The following RYR3 variants were observed in gnomAD, a reference collection of about 807,000 sequenced individuals.
The protein encoded by RYR3 is brain ryanodine receptor-calcium release channel.
In RYR3, 207 loss-of-function variants were observed where a neutral mutation model predicts 584.3. The ratio of observed to expected loss-of-function variants is 0.35; its 90% CI spans 0.32 to 0.40. The LOEUF is 0.40. Among genes scored for constraint, RYR3 ranks in the 10% least tolerant of loss-of-function variants. RYR3 has a pLI of 1.00. For synonymous variants in RYR3, 2,416 were observed against 2,248.5 expected, an observed-to-expected ratio of 1.07 and a Z score of -2.11; for missense variants, 5,616 against 6,089.2, an observed-to-expected ratio of 0.92 and a Z score of 2.59.
intron 9 of RYR3, among the ~76,000 whole-genome samples, chr15:33,549,127 C>T (rs907016718): frequency 6.6e-6 from 1 of 152,026 alleles, no homozygotes; most frequent in Non-Finnish European, 1.5e-5. Context: ...TTTTAAGGAG[C>T]GTGCACTTAC....
chr15:33,400,556 C>T (rs926785010), intron 1 of RYR3, among the ~76,000 whole-genome samples: 1 of 152,182 alleles, frequency 6.6e-6, no homozygotes. Flanking sequence ...AGTTCTATCA[C>T]TGATTTGAAA....
At chr15:33,586,194 G>A in intron 16 of RYR3, 78 bp downstream of exon 16, 1 of 838,960 alleles carries the variant, frequency 1.2e-6, no homozygotes, top group Non-Finnish European at 2.0e-6. Context: ...GTTTTACTGA[G>A]AGCATGTTGA....
chr15:33,782,788 A>G (rs916292714), intron 65 of RYR3, among the ~76,000 whole-genome samples: 1 of 152,208 alleles, frequency 6.6e-6, no homozygotes, highest in South Asian at 2.1e-4. Context: ...TCAGATTAGT[A>G]TCTTTGATGC....
chr15:33,707,962 T>G (rs2152786544), intron 43 of RYR3, among the ~76,000 whole-genome samples: 1 of 152,342 alleles, frequency 6.6e-6, no homozygotes, highest in Non-Finnish European at 1.5e-5. Context: ...TTTAAATGGT[T>G]TCTTTTCTCC....
chr15:33,368,150 A>G lies in RYR3; in HGVS notation c.51+57054A>G, dbSNP rs74848166. ...TTTTGAAAAACCAGCCTAGTTTTCAATTCACAAAGGTAAATCACAAAAAGA... is the reference window on the plus strand; with the variant it reads ...TTTTGAAAAACCAGCCTAGTTTTCAGTTCACAAAGGTAAATCACAAAAAGA... On this transcript the variant is annotated intron_variant, in intron 1 of 103. Transcript: ENST00000634891. Among the ~76,000 whole-genome samples, 941 of 152,276 alleles carry G rather than the reference A, an allele frequency of 6.2e-3. 9 individuals are homozygous for G. Among genetic ancestry groups the G allele is most frequent in the African/African-American group, 0.021 (862 of 41,554 alleles).
At chr15:33,628,244 A>G (rs1262601254) in intron 20 of RYR3, among the ~76,000 whole-genome samples, 1 of 152,112 alleles carries the variant, frequency 6.6e-6, no homozygotes, top group Non-Finnish European at 1.5e-5. Flanking sequence ...ACATACACCT[A>G]CAGAAAAGAC....
At chr15:33,538,640 A>G (rs2055539884) in intron 5 of RYR3, among the ~76,000 whole-genome samples, 3 of 152,172 alleles carry the variant, frequency 2.0e-5, no homozygotes, top group East Asian at 3.9e-4. Context: ...GTCCTTTTCA[A>G]CCTTTCCACC....
At chr15:33,757,870 C>G (rs1017313561) in intron 60 of RYR3, 5 of 436,394 alleles carry the variant, frequency 1.1e-5, no homozygotes, top group Admixed American at 1.0e-4. Context: ...CGAATAGGAA[C>G]AGCTCTGGTC....
chr15:33,548,881 A>G (rs1400207199), intron 9 of RYR3, among the ~76,000 whole-genome samples: 2 of 152,172 alleles, frequency 1.3e-5, no homozygotes, highest in Non-Finnish European at 2.9e-5. Context: ...AGGGTTAAGC[A>G]TCGCCCTCTG....
intron 2 of RYR3, among the ~76,000 whole-genome samples, chr15:33,488,237 C>T (rs747240471): frequency 4.6e-5 from 7 of 152,176 alleles, no homozygotes; most frequent in Non-Finnish European, 7.3e-5. Context: ...TGTAAAGTAG[C>T]ACCATAAGTC....
intron 1 of RYR3, among the ~76,000 whole-genome samples, chr15:33,379,256 T>G (rs1224094790): frequency 6.6e-6 from 1 of 152,172 alleles, no homozygotes; most frequent in Non-Finnish European, 1.5e-5. Flanking sequence ...TTTGAGAGAT[T>G]GCTGATGTAA....
chr15:33,643,661 G>A lies in RYR3; in HGVS notation c.3557-650G>A, dbSNP rs79373528. ...CTTCTTAGAATCCTACTCTCGAAAC[G>A]TGAAGGACCTCTCATGTCACTGGGG... On this transcript the variant is annotated intron_variant, in intron 27 of 103. Coordinates refer to ENST00000634891, the MANE Select transcript of RYR3 (RefSeq NM_001036.6). Among the ~76,000 whole-genome samples, 631 of 152,228 alleles carry A rather than the reference G, an allele frequency of 4.1e-3. 7 individuals carry two copies. Among genetic ancestry groups the A allele is most frequent in the African/African-American group, 0.014 (567 of 41,508 alleles).
chr15:33,816,582 G>A (rs527960865), intron 74 of RYR3, among the ~76,000 whole-genome samples: 9 of 152,338 alleles, frequency 5.9e-5, no homozygotes, highest in African/African-American at 1.9e-4. Context: ...GAGAGGAAAT[G>A]TGATAAAGAG....
chr15:33,661,755 A>G (rs962015255), intron 34 of RYR3, among the ~76,000 whole-genome samples: 2 of 152,176 alleles, frequency 1.3e-5, no homozygotes, highest in African/African-American at 4.8e-5. Context: ...CGGTAGACTG[A>G]CAGAAAGCAT....
intron 16 of RYR3, among the ~76,000 whole-genome samples, chr15:33,601,020 G>A (rs2152550836): frequency 6.6e-6 from 1 of 152,274 alleles, no homozygotes. Context: ...CTCAGACAGT[G>A]AGCAGGGCCT....
chr15:33,502,292 C>T (rs188182177), intron 2 of RYR3, among the ~76,000 whole-genome samples: 92 of 152,184 alleles, frequency 6.0e-4, no homozygotes, highest in Non-Finnish European at 1.1e-3. Flanking sequence ...ATGGTCAATT[C>T]CATTATTTTT....
intron 12 of RYR3, among the ~76,000 whole-genome samples, chr15:33,575,954 A>G (rs889338102): frequency 6.6e-6 from 1 of 152,248 alleles, no homozygotes; most frequent in African/African-American, 2.4e-5. Flanking sequence ...CAGAAATTCA[A>G]ACAACCATCA....
intron 36 of RYR3, among the ~76,000 whole-genome samples, chr15:33,667,127 A>C (rs1874278): frequency 0.14 from 20,809 of 152,280 alleles, 1,884 homozygotes; most frequent in Non-Finnish European, 0.19. Context: ...GGTTTGCAGT[A>C]AGATCTTTGT....
chr15:33,647,445 C>G lies in RYR3; in HGVS notation c.3963C>G (p.Leu1321=). The G allele has an allele frequency of 6.2e-7, 1 of 1,606,520 alleles. No homozygotes were observed. Among genetic ancestry groups the G allele is most frequent in the Non-Finnish European group, 8.5e-7 (1 of 1,173,294 alleles). The stretch of plus-strand genomic sequence containing the variant: ...CCAGGAAACAGATGCAAGAAATACT[C>G]TCTCATACAACAACAGTAAGTAAAT... The part of the protein sequence containing the change: ...FQKRKQMQEI[L]SHTTTQCYYA... Residue 1321 remains leucine, a synonymous_variant, in exon 30 of 104, where the codon CTC becomes CTG. Coordinates refer to ENST00000634891, the MANE Select transcript of RYR3 (RefSeq NM_001036.6).
Sources: allele counts gnomAD v4.1 joint callset (sites outside exome capture counted in the v4.1 genomes callset), GRCh38; gene constraint gnomAD v4.1.1; transcripts MANE v1.5; gene names NCBI Gene and HGNC (gene_info 2026-07-23, HGNC 2026-07-21).